Variants in SLC26A7 observed in about 807,000 individuals in gnomAD.
SLC26A7 encodes solute carrier family 26 member 7.
In SLC26A7, 59 loss-of-function variants were observed where a neutral mutation model predicts 82.5. The observed-to-expected ratio is 0.72, with a 90% CI of 0.58 to 0.89. The LOEUF (loss-of-function observed/expected upper bound fraction) is 0.89. SLC26A7 is among the 40% of genes least tolerant of loss of function. The pLI is 0.00. For missense variants in SLC26A7, 820 were observed against 793.0 expected, an observed-to-expected ratio of 1.03 and a Z score of -0.41; for synonymous variants, 271 against 274.3, an observed-to-expected ratio of 0.99 and a Z score of 0.12.
Position 91,395,238 on chromosome 8 carries a change from A to T in SLC26A7, c.*141A>T, listed in dbSNP as rs1329908237. 1 of 1,438,238 alleles carries T rather than the reference A, an allele frequency of 7.0e-7. No individual in the cohort carries two copies. Among genetic ancestry groups the T allele is most frequent in the Non-Finnish European group, 9.1e-7 (1 of 1,094,140 alleles). The allele number at this position is 1,438,238 out of a possible 1,614,324, so 89.1% of individuals were successfully genotyped here. On this transcript the variant is annotated 3_prime_UTR_variant, in exon 19 of 19. Transcript: ENST00000276609. ...AAGTACGATGTGACTTAGTAACTGC[A>T]TAGCAGTTGGAAAGAACTGCCAACT...
chr8:91,356,310 T>A (rs1813866953), intron 11 of SLC26A7, among the ~76,000 whole-genome samples: 1 of 152,214 alleles, frequency 6.6e-6, no homozygotes, highest in East Asian at 1.9e-4. Context: ...CCACACTGAC[T>A]TCCACAATGG....
In SLC26A7 at chr8:91,249,703, AC is replaced by A. The variant is rs749030792; in HGVS notation, c.58del (p.Gln20SerfsTer24). Reference protein sequence around the residue: ...KKSMLWSKMHTPQCEDIIQWC... With the variant: ...KKSMLWSKMHXPQCEDIIQWC... ...AAGCATGCTTTGGAGCAAGATGCAT[AC>A]CCCCCAGTGTGAAGACATTATACAG... is the stretch of plus-strand genomic sequence containing the variant. On this transcript the variant is annotated frameshift_variant, in exon 2 of 19. Coordinates refer to ENST00000276609, the MANE Select transcript of SLC26A7 (RefSeq NM_052832.4). LOFTEE classifies it high-confidence loss of function. The A allele has an allele frequency of 6.9e-6, 11 of 1,588,780 alleles. No homozygotes were observed. Among genetic ancestry groups the A allele is most frequent in the South Asian group, 6.9e-5 (6 of 86,772 alleles).
At chr8:91,292,786 A>G (rs910944436) in intron 3 of SLC26A7, among the ~76,000 whole-genome samples, 2 of 152,128 alleles carry the variant, frequency 1.3e-5, no homozygotes, top group African/African-American at 4.8e-5. Flanking sequence ...TGGCTTGCAA[A>G]GAACATATAT....
At chr8:91,263,457 A>G (rs1327898042) in intron 2 of SLC26A7, among the ~76,000 whole-genome samples, 1 of 152,068 alleles carries the variant, frequency 6.6e-6, no homozygotes, top group Non-Finnish European at 1.5e-5. Context: ...ACTGAAAGCA[A>G]CTATAAGTGC....
intron 6 of SLC26A7, among the ~76,000 whole-genome samples, chr8:91,336,571 TGCCAAAAAG>T (rs1813249067): frequency 6.6e-6 from 1 of 151,936 alleles, no homozygotes; most frequent in East Asian, 1.9e-4. Flanking sequence ...TGATCCCCGG[TGCCAAAAAG>T]GTTGGGGACT....
At chr8:91,346,321 ATGTGGG>A (rs1310909458) in intron 9 of SLC26A7, among the ~76,000 whole-genome samples, 7 of 152,136 alleles carry the variant, frequency 4.6e-5, no homozygotes, top group African/African-American at 1.7e-4. Context: ...TGTTAAGTTT[ATGTGGG>A]TAAAACTGAT....
intron 2 of SLC26A7, among the ~76,000 whole-genome samples, chr8:91,261,748 G>A (rs1260491152): frequency 1.3e-5 from 2 of 152,070 alleles, no homozygotes; most frequent in Admixed American, 6.6e-5. Context: ...GGCAACCATT[G>A]TCCCACTTAA....
At chr8:91,228,532 G>A (rs1810268076) in intron 2 of SLC26A7, among the ~76,000 whole-genome samples, 2 of 152,190 alleles carry the variant, frequency 1.3e-5, no homozygotes, top group South Asian at 4.1e-4. Context: ...CAGACAGCCT[G>A]GGGCAGGGGC....
intron 5 of SLC26A7, among the ~76,000 whole-genome samples, chr8:91,325,250 T>A (rs1007382253): frequency 2.6e-5 from 4 of 152,138 alleles, no homozygotes; most frequent in Admixed American, 2.6e-4. Context: ...AATTAAGACA[T>A]TAAATGAATC....
chr8:91,217,046 G>A (rs986590813), intron 1 of SLC26A7, among the ~76,000 whole-genome samples: 1 of 152,006 alleles, frequency 6.6e-6, no homozygotes, highest in African/African-American at 2.4e-5. Context: ...AGCCTATGGT[G>A]TCTCCTGTCT....
chr8:91,248,144 C>A (rs1473565588), upstream of SLC26A7, among the ~76,000 whole-genome samples: 1 of 152,112 alleles, frequency 6.6e-6, no homozygotes, highest in Non-Finnish European at 1.5e-5. Flanking sequence ...CAAACCTGAA[C>A]TATTGAATGG....
At chr8:91,220,491 C>T (rs1810142485) in intron 2 of SLC26A7, among the ~76,000 whole-genome samples, 1 of 151,218 alleles carries the variant, frequency 6.6e-6, no homozygotes, top group South Asian at 2.1e-4. Flanking sequence ...TCCTATAAGT[C>T]CCCTCCCCTC....
At chr8:91,265,162 T>C (rs1811077445) in intron 2 of SLC26A7, among the ~76,000 whole-genome samples, 2 of 152,120 alleles carry the variant, frequency 1.3e-5, no homozygotes, top group South Asian at 2.1e-4. Context: ...GTGTCTGGCT[T>C]ATTTTACTTA....
At chr8:91,340,613 TC>T (rs1419794172) in intron 8 of SLC26A7, 62 bp downstream of exon 8, 6 of 1,593,070 alleles carry the variant, frequency 3.8e-6, no homozygotes, top group Non-Finnish European at 4.3e-6. Context: ...CACTCCCAGA[TC>T]CTAAAAATGA....
intron 7 of SLC26A7, among the ~76,000 whole-genome samples, chr8:91,340,081 GA>G (rs1029136356): frequency 6.6e-6 from 1 of 152,158 alleles, no homozygotes; most frequent in African/African-American, 2.4e-5. Context: ...AGGTTCGAAT[GA>G]AAGAATGCTC....
At chr8:91,255,114 A>G (rs766519611) in intron 2 of SLC26A7, among the ~76,000 whole-genome samples, 14 of 152,134 alleles carry the variant, frequency 9.2e-5, no homozygotes, top group Non-Finnish European at 1.9e-4. Flanking sequence ...CTTGCCATAT[A>G]AGAACCTAAT....
intron 4 of SLC26A7, among the ~76,000 whole-genome samples, chr8:91,302,587 A>C (rs1812197238): frequency 6.6e-6 from 1 of 152,154 alleles, no homozygotes; most frequent in Non-Finnish European, 1.5e-5. Context: ...GCCATGCAAT[A>C]AATTTTACAT....
At chr8:91,273,831 A>C (rs543066651) in intron 2 of SLC26A7, among the ~76,000 whole-genome samples, 2 of 152,296 alleles carry the variant, frequency 1.3e-5, no homozygotes, top group Middle Eastern at 3.4e-3. Flanking sequence ...TGGTTACATT[A>C]ATTATCCTAT....
intron 15 of SLC26A7, among the ~76,000 whole-genome samples, chr8:91,376,030 G>A (rs116775950): frequency 6.6e-6 from 1 of 151,876 alleles, no homozygotes; most frequent in Non-Finnish European, 1.5e-5. Flanking sequence ...TATTATTAAA[G>A]CTTTCAAATG....
Sources: allele counts gnomAD v4.1 joint callset (sites outside exome capture counted in the v4.1 genomes callset), GRCh38; gene constraint gnomAD v4.1.1; transcripts MANE v1.5; gene names NCBI Gene and HGNC (gene_info 2026-07-23, HGNC 2026-07-21).